Variants in ZNF704 observed in about 807,000 individuals in gnomAD.
The protein encoded by ZNF704 is zinc finger protein 704.
ZNF704 carries 10 observed loss-of-function variants against 44.7 expected under a neutral mutation model. The observed-to-expected ratio is 0.22, with a 90% CI of 0.14 to 0.38. The LOEUF is 0.38. ZNF704 is among the 10% of genes least tolerant of loss of function. ZNF704 has a pLI of 1.00. For synonymous variants in ZNF704, 211 were observed against 207.6 expected (o/e 1.02, Z -0.14); for missense variants, 390 against 545.5 (o/e 0.71, Z 2.84).
chr8:80,749,515 T>C (rs1256810048), intron 2 of ZNF704: 2 of 153,214 alleles, frequency 1.3e-5, no homozygotes, highest in African/African-American at 4.8e-5. Context: ...CGGAATCATC[T>C]AATATAACAT....
chr8:80,822,419 CCA>C (rs1253014783), intron 1 of ZNF704, among the ~76,000 whole-genome samples: 16 of 152,242 alleles, frequency 1.1e-4, no homozygotes, highest in African/African-American at 1.4e-4. Context: ...TGTATATGTG[CCA>C]CAGTTTCTTA....
chr8:80,642,352 C>G (rs534501179), intron 8 of ZNF704, among the ~76,000 whole-genome samples: 1 of 152,296 alleles, frequency 6.6e-6, no homozygotes, highest in South Asian at 2.1e-4. Context: ...GAATTCTAGC[C>G]TCACCACTCT....
intron 2 of ZNF704, among the ~76,000 whole-genome samples, chr8:80,715,561 G>A (rs866162351): frequency 1.4e-4 from 21 of 152,184 alleles, no homozygotes; most frequent in Admixed American, 2.0e-4. Flanking sequence ...AGTGGGTGGG[G>A]CCAGAGGTTC....
chr8:80,666,727 AT>A (rs1170465381), intron 5 of ZNF704, among the ~76,000 whole-genome samples: 1 of 150,806 alleles, frequency 6.6e-6, no homozygotes, highest in Non-Finnish European at 1.5e-5. Context: ...GATGATGAGC[AT>A]TTTTTCATGT....
chr8:80,815,926 T>C (rs1042774939), intron 2 of ZNF704, among the ~76,000 whole-genome samples: 1 of 152,214 alleles, frequency 6.6e-6, no homozygotes, highest in Admixed American at 6.5e-5. Flanking sequence ...CATAACTATG[T>C]TTCTAGCTGT....
At chr8:80,836,982 A>G (rs1248975062) in intron 1 of ZNF704, among the ~76,000 whole-genome samples, 2 of 151,954 alleles carry the variant, frequency 1.3e-5, no homozygotes, top group Non-Finnish European at 2.9e-5. Context: ...ATGTATCTCC[A>G]GGAGCTAGAA....
At chr8:80,824,608 A>G (rs1026288833) in intron 1 of ZNF704, among the ~76,000 whole-genome samples, 1 of 152,228 alleles carries the variant, frequency 6.6e-6, no homozygotes, top group African/African-American at 2.4e-5. Context: ...GAGCAACTCC[A>G]AGACACATAA....
chr8:80,641,149 C>T lies in ZNF704; in HGVS notation c.*217G>A, dbSNP rs1229178202. On this transcript the variant is annotated 3_prime_UTR_variant, in exon 9 of 9. Transcript: ENST00000327835. Reference sequence around the variant, plus strand: ...GAAAAAAAACTAGTTATAGCTGCTCCAAGCTGGGTTCTCAGTAAGAGCAAC... The same window carrying T: ...GAAAAAAAACTAGTTATAGCTGCTCTAAGCTGGGTTCTCAGTAAGAGCAAC... 3 of 380,314 alleles carry T rather than the reference C, an allele frequency of 7.9e-6. No homozygotes were observed. Among genetic ancestry groups the T allele is most frequent in the African/African-American group, 6.1e-5 (3 of 48,804 alleles). The allele number at this position is 380,314 out of a possible 1,614,324, so 23.6% of individuals were successfully genotyped here. A position where few individuals can be genotyped will look rare whatever the true frequency, so the allele number is the denominator to read the frequency against.
At chr8:80,717,113 G>T (rs898557051) in intron 2 of ZNF704, among the ~76,000 whole-genome samples, 1 of 152,202 alleles carries the variant, frequency 6.6e-6, no homozygotes, top group Non-Finnish European at 1.5e-5. Context: ...GGCAGGGAAA[G>T]ATTTAAGTAG....
chr8:80,815,873 CA>C (rs1466878292), intron 2 of ZNF704, among the ~76,000 whole-genome samples: 1 of 152,122 alleles, frequency 6.6e-6, no homozygotes, highest in East Asian at 1.9e-4. Context: ...CTTTAGAAGC[CA>C]AAAAGCCCAG....
intron 2 of ZNF704, among the ~76,000 whole-genome samples, chr8:80,710,380 C>T (rs954139465): frequency 2.0e-5 from 3 of 152,142 alleles, no homozygotes; most frequent in African/African-American, 7.2e-5. Context: ...TTACTCTCTT[C>T]ATTTTTTTAG....
At chr8:80,693,386 C>T (rs1435916244) in intron 2 of ZNF704, among the ~76,000 whole-genome samples, 9 of 152,054 alleles carry the variant, frequency 5.9e-5, no homozygotes, top group East Asian at 5.8e-4. Flanking sequence ...GTTCTAGCCA[C>T]GAGTGATATG....
chr8:80,648,270 C>T (rs568602953), intron 7 of ZNF704, among the ~76,000 whole-genome samples: 1 of 152,310 alleles, frequency 6.6e-6, no homozygotes, highest in African/African-American at 2.4e-5. Flanking sequence ...TGACCCCTCG[C>T]CAAAGTCCTT....
chr8:80,713,473 G>A (rs1395327416), intron 2 of ZNF704, among the ~76,000 whole-genome samples: 1 of 152,106 alleles, frequency 6.6e-6, no homozygotes, highest in African/African-American at 2.4e-5. Context: ...GGAACTTTAG[G>A]ATGTGGAGTC....
chr8:80,701,603 A>T (rs962689784), intron 2 of ZNF704, among the ~76,000 whole-genome samples: 1 of 151,176 alleles, frequency 6.6e-6, no homozygotes, highest in South Asian at 2.1e-4. Context: ...CTCCCCACTT[A>T]CATGCAAGGG....
intron 4 of ZNF704, among the ~76,000 whole-genome samples, chr8:80,674,956 A>C (rs1339695524): frequency 6.6e-6 from 1 of 152,206 alleles, no homozygotes; most frequent in African/African-American, 2.4e-5. Flanking sequence ...ACACTTTTTG[A>C]TTCATTCCTA....
intron 2 of ZNF704, among the ~76,000 whole-genome samples, chr8:80,815,001 TCA>T (rs1359122567): frequency 1.3e-5 from 2 of 152,210 alleles, no homozygotes; most frequent in Non-Finnish European, 2.9e-5. Context: ...CCAAATTAGT[TCA>T]CAGTTTCCCA....
At chr8:80,778,335 T>C (rs899305245) in intron 2 of ZNF704, among the ~76,000 whole-genome samples, 4 of 152,132 alleles carry the variant, frequency 2.6e-5, no homozygotes, top group Non-Finnish European at 4.4e-5. Context: ...AAATGGCTAT[T>C]ACTAGAAAGT....
chr8:80,837,853 G>GACTGCC (rs1331093627), intron 1 of ZNF704, among the ~76,000 whole-genome samples: 1 of 152,140 alleles, frequency 6.6e-6, no homozygotes, highest in Non-Finnish European at 1.5e-5. Flanking sequence ...AGGGCCCCCT[G>GACTGCC]ACTGCCACTG....
Sources: allele counts gnomAD v4.1 joint callset (sites outside exome capture counted in the v4.1 genomes callset), GRCh38; gene constraint gnomAD v4.1.1; transcripts MANE v1.5; gene names NCBI Gene and HGNC (gene_info 2026-07-23, HGNC 2026-07-21).